Variants in CDH8 observed in about 807,000 individuals in gnomAD.
CDH8 encodes the protein cadherin 8, also known as cadherin-8.
CDH8 carries 17 observed loss-of-function variants against 68.1 expected under a neutral mutation model. The observed-to-expected ratio is 0.25, with a 90% CI of 0.17 to 0.37. The LOEUF (loss-of-function observed/expected upper bound fraction) is 0.37, where lower values mean the gene tolerates loss of function less well. Among genes scored for constraint, CDH8 ranks in the 10% least tolerant of loss-of-function variants. The probability of loss-of-function intolerance (pLI) is 1.00; values close to 1 mark genes in which losing one functional copy is unlikely to be tolerated. For synonymous variants in CDH8, 372 were observed against 365.1 expected, an observed-to-expected ratio of 1.02 and a Z score of -0.21; for missense variants, 763 against 999.3, an observed-to-expected ratio of 0.76 and a Z score of 3.19.
intron 3 of CDH8, among the ~76,000 whole-genome samples, chr16:61,878,506 A>G (rs1457813479): frequency 6.6e-6 from 1 of 152,170 alleles, no homozygotes; most frequent in Non-Finnish European, 1.5e-5. Context: ...CAAGACAGTT[A>G]GTAAAAGCAA....
chr16:61,953,444 T>C (rs778738572), intron 2 of CDH8, among the ~76,000 whole-genome samples: 1 of 152,098 alleles, frequency 6.6e-6, no homozygotes, highest in Admixed American at 6.6e-5. Context: ...CATATTGTTA[T>C]TAATGGGAAA....
In CDH8 at chr16:61,648,109, A is replaced by G; in HGVS notation, c.*5499T>C. ...GAGAATACATACAAAAACACTTACAACATTACAACTCAGGAGATGACCCCA... is the reference window on the plus strand; with the variant it reads ...GAGAATACATACAAAAACACTTACAGCATTACAACTCAGGAGATGACCCCA... On this transcript the variant is annotated 3_prime_UTR_variant, in exon 12 of 12. Coordinates refer to ENST00000577390, the MANE Select transcript of CDH8 (RefSeq NM_001796.5). 1.0e-5 allele frequency: 4 copies of G among 398,694 alleles called. No homozygotes were observed. Among genetic ancestry groups the G allele is most frequent in the Non-Finnish European group, 1.8e-5 (4 of 222,324 alleles). The allele number at this position is 398,694 out of a possible 1,614,324, so 24.7% of individuals were successfully genotyped here. A position where few individuals can be genotyped will look rare whatever the true frequency, so the allele number is the denominator to read the frequency against.
At chr16:61,674,089 C>T (rs1963847972) in intron 10 of CDH8, among the ~76,000 whole-genome samples, 1 of 152,074 alleles carries the variant, frequency 6.6e-6, no homozygotes, top group Non-Finnish European at 1.5e-5. Flanking sequence ...AAAGACCTCA[C>T]CTAATACATA....
chr16:61,707,542 T>G (rs940396146), intron 10 of CDH8, among the ~76,000 whole-genome samples: 5 of 152,196 alleles, frequency 3.3e-5, no homozygotes, highest in Non-Finnish European at 5.9e-5. Context: ...GTGCCTGCTT[T>G]TTTGTTGCCA....
intron 6 of CDH8, 84 bp from the exon 7 acceptor site, chr16:61,817,816 G>A (rs554293511): frequency 5.1e-6 from 7 of 1,373,876 alleles, no homozygotes; most frequent in African/African-American, 2.9e-5. Flanking sequence ...ATGGATGAAA[G>A]TTATGTGCAT....
At chr16:61,948,430 C>T (rs1310374504) in intron 2 of CDH8, among the ~76,000 whole-genome samples, 1 of 152,116 alleles carries the variant, frequency 6.6e-6, no homozygotes, top group Non-Finnish European at 1.5e-5. Flanking sequence ...CAATATGTAA[C>T]CAGAATACAA....
Position 61,652,698 on chromosome 16 carries a change from C to T in CDH8, c.*910G>A, listed in dbSNP as rs1963348220. 8.1e-7 allele frequency: 1 copy of T among 1,239,768 alleles called. No homozygotes were observed. Among genetic ancestry groups the T allele is most frequent in the Non-Finnish European group, 1.0e-6 (1 of 985,200 alleles). The allele number at this position is 1,239,768 out of a possible 1,614,324, so 76.8% of individuals were successfully genotyped here. ...TATAATTTAGTTTTTTCCCATATAT[C>T]CCCTTAATCTATAGATTACCGACCT... On this transcript the variant is annotated 3_prime_UTR_variant, in exon 12 of 12. Coordinates refer to ENST00000577390, the MANE Select transcript of CDH8 (RefSeq NM_001796.5).
At chr16:61,776,189 T>G (rs1001385265) in intron 8 of CDH8, among the ~76,000 whole-genome samples, 3 of 152,134 alleles carry the variant, frequency 2.0e-5, no homozygotes, top group African/African-American at 7.2e-5. Context: ...AGTTAGGCTC[T>G]GTTTACGCAA....
intron 1 of CDH8, among the ~76,000 whole-genome samples, chr16:62,030,755 A>C (rs905464480): frequency 2.0e-4 from 31 of 152,160 alleles, no homozygotes; most frequent in African/African-American, 6.5e-4. Flanking sequence ...ATTCCATTTA[A>C]TATTCCTTTG....
At chr16:61,967,368 G>A (rs181143704) in intron 2 of CDH8, among the ~76,000 whole-genome samples, 3 of 152,288 alleles carry the variant, frequency 2.0e-5, no homozygotes, top group Admixed American at 2.0e-4. Flanking sequence ...TCCTCCCAAT[G>A]TGTTAATGCC....
At chr16:61,738,849 TTTTG>T (rs1242484122) in intron 8 of CDH8, among the ~76,000 whole-genome samples, 2 of 152,190 alleles carry the variant, frequency 1.3e-5, no homozygotes, top group South Asian at 2.1e-4. Flanking sequence ...CTTTTGTTTC[TTTTG>T]TTTTAGTTTT....
chr16:61,728,804 T>C (rs1026010196), intron 8 of CDH8, among the ~76,000 whole-genome samples: 2 of 151,104 alleles, frequency 1.3e-5, no homozygotes, highest in African/African-American at 4.8e-5. Context: ...CATGCACCTT[T>C]GGAGACCCAG....
intron 2 of CDH8, among the ~76,000 whole-genome samples, chr16:62,004,371 G>A (rs990852495): frequency 6.6e-6 from 1 of 152,134 alleles, no homozygotes; most frequent in African/African-American, 2.4e-5. Context: ...CTTCAGAGCA[G>A]AATCACAATC....
At position 61,734,126 on chromosome 16, in the gene CDH8, TCAAA is replaced by T. The variant is rs200323978; in HGVS notation, c.1415-6915_1415-6912del. On this transcript the variant is annotated intron_variant, in intron 8 of 11. Transcript: ENST00000577390. The stretch of plus-strand genomic sequence containing the variant: ...CTTATAGTACAGTAGCAGAGAATAA[TCAAA>T]CAGTGTTGAATTATACACTAGACTG... Among the ~76,000 whole-genome samples the T allele has an allele frequency of 1.8e-3, 268 of 152,132 alleles. 6 individuals carry two copies. In the East Asian group the frequency reaches 0.048, roughly 27 times the overall value.
chr16:61,734,326 T>C (rs1959616151), intron 8 of CDH8, among the ~76,000 whole-genome samples: 1 of 152,146 alleles, frequency 6.6e-6, no homozygotes, highest in Non-Finnish European at 1.5e-5. Context: ...TGACGTTGAC[T>C]TATCAACCTT....
chr16:61,932,366 A>G (rs539825320), intron 2 of CDH8, among the ~76,000 whole-genome samples: 4 of 152,320 alleles, frequency 2.6e-5, no homozygotes, highest in African/African-American at 9.6e-5. Context: ...AAAGATTTTG[A>G]ATAGATGTAC....
chr16:61,671,798 A>C (rs773607287), intron 10 of CDH8, among the ~76,000 whole-genome samples: 1 of 152,086 alleles, frequency 6.6e-6, no homozygotes, highest in Non-Finnish European at 1.5e-5. Flanking sequence ...CATTAAGGTC[A>C]AACTGATTTA....
chr16:62,022,911 T>C (rs1027795930), intron 1 of CDH8, among the ~76,000 whole-genome samples: 4 of 152,002 alleles, frequency 2.6e-5, no homozygotes, highest in Non-Finnish European at 2.9e-5. Context: ...CGGGACTCTA[T>C]AATTTAAAAG....
intron 2 of CDH8, among the ~76,000 whole-genome samples, chr16:61,987,701 A>C (rs1258794309): frequency 6.6e-6 from 1 of 151,894 alleles, no homozygotes; most frequent in Non-Finnish European, 1.5e-5. Flanking sequence ...AAAAACATGG[A>C]TCTCCCCATT....
Sources: allele counts gnomAD v4.1 joint callset (sites outside exome capture counted in the v4.1 genomes callset), GRCh38; gene constraint gnomAD v4.1.1; transcripts MANE v1.5; gene names NCBI Gene and HGNC (gene_info 2026-07-23, HGNC 2026-07-21).